INO80D: variants seen among roughly 807,000 people sequenced by gnomAD.
INO80D encodes INO80 complex subunit D.
A neutral mutation model predicts 87.6 loss-of-function variants in INO80D; 21 were observed. The observed-to-expected ratio is 0.24, with a 90% CI of 0.17 to 0.35. The LOEUF is 0.35. INO80D is among the 10% of genes least tolerant of loss of function. The pLI is 1.00. For synonymous variants in INO80D, 440 were observed against 491.0 expected (o/e 0.90, Z 1.37); for missense variants, 982 against 1,280.7 (o/e 0.77, Z 3.56).
intron 5 of INO80D, among the ~76,000 whole-genome samples, chr2:206,030,798 T>C (rs1279873864): frequency 6.6e-6 from 1 of 152,088 alleles, no homozygotes; most frequent in Non-Finnish European, 1.5e-5. Flanking sequence ...GTTAAGAAAA[T>C]ACAGTAACAG....
intron 1 of INO80D, among the ~76,000 whole-genome samples, chr2:206,065,024 T>C (rs1689777179): frequency 2.6e-5 from 4 of 152,110 alleles, no homozygotes; most frequent in Admixed American, 2.6e-4. Flanking sequence ...GATATCCACA[T>C]GCAGAAGAAT....
intron 5 of INO80D, among the ~76,000 whole-genome samples, chr2:206,037,813 A>G (rs1294873654): frequency 6.6e-6 from 1 of 152,236 alleles, no homozygotes; most frequent in East Asian, 1.9e-4. Flanking sequence ...ATAACAAAGA[A>G]TGGAATCAAC....
chr2:206,085,388 TC>T lies in INO80D; in HGVS notation c.-124+512del, dbSNP rs1358832584. 1 of 151,038 alleles carries T rather than the reference TC, an allele frequency of 6.6e-6. No homozygotes were observed. The highest frequency in any genetic ancestry group is 3.2e-3 in the Middle Eastern group (1 of 308). 9.4% of individuals were successfully genotyped at this position (151,038 alleles called of 1,614,324 possible). ...CGGGCGCCCATTCCCCACTCCCCACTCCTAGGCCCTGACGCCCCTGTCCCGG... is the reference window on the plus strand; with the variant it reads ...CGGGCGCCCATTCCCCACTCCCCACTCTAGGCCCTGACGCCCCTGTCCCGG... On this transcript the variant is annotated intron_variant, in intron 1 of 10. Transcript: ENST00000403263. The surrounding 1 kb of genome is among the most constrained non-coding windows in gnomAD (Gnocchi z 4.5).
In INO80D at chr2:206,015,298, C is replaced by T. The variant is rs1367460933; in HGVS notation, c.1542+2382G>A. The stretch of plus-strand genomic sequence containing the variant: ...CAATGGGGAAAATGTCTCCAGGGCA[C>T]GTCAGATGTCTTCTCGGCAGCCCCT... On this transcript the variant is annotated intron_variant, in intron 8 of 10. Transcript: ENST00000403263. Among the ~76,000 whole-genome samples the T allele has an allele frequency of 3.3e-5, 5 of 152,254 alleles. 1 individual carries two copies. Among genetic ancestry groups the T allele is most frequent in the East Asian group, 3.9e-4 (2 of 5,184 alleles).
intron 6 of INO80D, among the ~76,000 whole-genome samples, chr2:206,020,133 G>A (rs1263457228): frequency 3.3e-5 from 5 of 151,034 alleles, no homozygotes; most frequent in African/African-American, 1.2e-4. Context: ...TCTTCACAAA[G>A]AGACAGTAGA....
intron 5 of INO80D, among the ~76,000 whole-genome samples, chr2:206,028,728 T>C (rs913446041): frequency 3.3e-5 from 5 of 152,200 alleles, no homozygotes; most frequent in Non-Finnish European, 4.4e-5. Context: ...TCATAAAAGA[T>C]AGGTCATACC....
At chr2:206,060,139 A>G (rs1050088580) in intron 3 of INO80D, among the ~76,000 whole-genome samples, 1 of 152,144 alleles carries the variant, frequency 6.6e-6, no homozygotes, top group African/African-American at 2.4e-5. Context: ...CCAAAGTTCA[A>G]GGCTGTAGTG....
In INO80D at chr2:206,056,561, A is replaced by C. The variant is rs1689527337; in HGVS notation, c.601T>G (p.Ser201Ala). ...TGCTGCTGCGGAGGCTGCTGCTGTG[A>C]AGGTGCAGGAGGGGGACTAAAGTGC... Reference protein sequence around the residue: ...QEHFSPPPAPSQQQPPQQHSH... With the variant: ...QEHFSPPPAPAQQQPPQQHSH... Residue 201 changes from serine (S) to alanine (A), a missense_variant, in exon 4 of 11, where the codon TCA becomes GCA. Coordinates refer to ENST00000403263, the MANE Select transcript of INO80D (RefSeq NM_017759.5). 6.2e-7 allele frequency: 1 copy of C among 1,612,668 alleles called. No individual in the cohort carries two copies. The highest frequency in any genetic ancestry group is 8.5e-7 in the Non-Finnish European group (1 of 1,179,334).
At chr2:206,007,484 C>G in intron 9 of INO80D, 43 bp from the exon 10 acceptor site, 1 of 1,564,932 alleles carries the variant, frequency 6.4e-7, no homozygotes, top group Non-Finnish European at 8.6e-7. Context: ...CCCCCATTAT[C>G]TTCACATCAA....
chr2:206,044,660 A>C (rs963862578), intron 5 of INO80D, among the ~76,000 whole-genome samples: 1 of 152,208 alleles, frequency 6.6e-6, no homozygotes, highest in Non-Finnish European at 1.5e-5. Context: ...GTATTTTGAT[A>C]ACTCTGCAAG....
At chr2:206,017,588 T>C (rs1269894438) in intron 8 of INO80D, 92 bp downstream of exon 8, 2 of 1,054,566 alleles carry the variant, frequency 1.9e-6, no homozygotes, top group East Asian at 2.7e-5. Flanking sequence ...GTTTCAGTGA[T>C]TTATATACAT....
chr2:206,078,553 T>C (rs1445555431), intron 1 of INO80D, among the ~76,000 whole-genome samples: 1 of 152,146 alleles, frequency 6.6e-6, no homozygotes, highest in Non-Finnish European at 1.5e-5. Flanking sequence ...TCCAACACTA[T>C]GGCAGGCTGA....
At chr2:206,032,496 C>A (rs970113715) in intron 5 of INO80D, among the ~76,000 whole-genome samples, 1 of 152,102 alleles carries the variant, frequency 6.6e-6, no homozygotes, top group East Asian at 1.9e-4. Context: ...GATCTGGGAG[C>A]CTTTGCCTAG....
chr2:206,075,923 A>G (rs1314631551), intron 1 of INO80D, among the ~76,000 whole-genome samples: 1 of 151,666 alleles, frequency 6.6e-6, no homozygotes, highest in Non-Finnish European at 1.5e-5. Context: ...TTGGTGGTGC[A>G]CACCTGTAAT....
intron 8 of INO80D, among the ~76,000 whole-genome samples, chr2:206,012,422 T>C (rs1314683376): frequency 6.6e-6 from 1 of 152,162 alleles, no homozygotes; most frequent in Non-Finnish European, 1.5e-5. Context: ...CTGGCTGCTA[T>C]GTAAACAACA....
intron 8 of INO80D, among the ~76,000 whole-genome samples, chr2:206,014,463 C>T (rs1688265563): frequency 6.6e-6 from 1 of 151,964 alleles, no homozygotes; most frequent in Non-Finnish European, 1.5e-5. Flanking sequence ...CTGTTGTTCT[C>T]GTAATAGTGA....
chr2:206,025,554 TATATATATATATATAA>T (rs1482384853), intron 6 of INO80D: 10 of 124,150 alleles, frequency 8.1e-5, no homozygotes, highest in Non-Finnish European at 1.4e-4. Context: ...TATATATATA[TATATATATATATATAA>T]AATAACTAAA....
In INO80D at chr2:205,999,920, T is replaced by A. The variant is rs1030370014; in HGVS notation, c.*4448A>T. 6.6e-6 allele frequency: 1 copy of A among 152,164 alleles called. No homozygotes were observed. The highest frequency in any genetic ancestry group is 1.5e-5 in the Non-Finnish European group (1 of 68,028). The allele number at this position is 152,164 out of a possible 1,614,324, so 9.4% of individuals were successfully genotyped here. On this transcript the variant is annotated 3_prime_UTR_variant, in exon 11 of 11. Coordinates refer to ENST00000403263, the MANE Select transcript of INO80D (RefSeq NM_017759.5). Reference sequence around the variant, plus strand: ...AGAATGCCAGTGAAGATTCAGTTAATGTATTGGGCGGGGGGAAACATCTAT... The same window carrying A: ...AGAATGCCAGTGAAGATTCAGTTAAAGTATTGGGCGGGGGGAAACATCTAT...
intron 6 of INO80D, among the ~76,000 whole-genome samples, chr2:206,022,497 A>G (rs1688491524): frequency 6.6e-6 from 1 of 152,214 alleles, no homozygotes; most frequent in South Asian, 2.1e-4. Flanking sequence ...TATTTAAAAA[A>G]TCTACTACAG....
Sources: gnomAD v4.1 joint callset for allele counts (sites outside exome capture counted in the v4.1 genomes callset) on GRCh38, gnomAD v4.1.1 for gene constraint, Gnocchi (gnomAD v3.1) non-coding constraint, MANE v1.5 for transcripts, NCBI Gene and HGNC (gene_info 2026-07-23, HGNC 2026-07-21) for gene names.